The following MED13 variants were observed in gnomAD, a reference collection of about 807,000 sequenced individuals.
MED13 encodes mediator complex subunit 13.
Under a neutral mutation model 225.2 loss-of-function variants are expected in MED13, and 23 were observed. The ratio of observed to expected loss-of-function variants is 0.10; its 90% CI spans 0.07 to 0.14. MED13 has a LOEUF of 0.14. MED13 is among the 10% of genes least tolerant of loss of function. MED13 has a pLI of 1.00. For synonymous variants in MED13, 942 were observed against 889.2 expected, an observed-to-expected ratio of 1.06 and a Z score of -1.06; for missense variants, 2,197 against 2,594.5, an observed-to-expected ratio of 0.85 and a Z score of 3.33.
At chr17:61,961,945 G>A (rs1384719996) in intron 21 of MED13, among the ~76,000 whole-genome samples, 166 bp from the exon 22 acceptor site, 6 of 152,096 alleles carry the variant, frequency 3.9e-5, no homozygotes, top group African/African-American at 1.2e-4. Flanking sequence ...CTTTTAATAA[G>A]TAGCCAATTT....
At chr17:61,971,190 C>T (rs988928635) in intron 17 of MED13, among the ~76,000 whole-genome samples, 2 of 150,042 alleles carry the variant, frequency 1.3e-5, no homozygotes, top group African/African-American at 4.9e-5. Flanking sequence ...TACATATAGC[C>T]ATAAAAAAAG....
At chr17:62,039,093 T>C (rs2080830702) in intron 3 of MED13, among the ~76,000 whole-genome samples, 1 of 152,140 alleles carries the variant, frequency 6.6e-6, no homozygotes, top group Non-Finnish European at 1.5e-5. Context: ...ATGTAACCAA[T>C]GGTCTCAGCT....
rs2079824987 is a variant in MED13 at position 61,942,839 on chromosome 17, A to C, written c.*3629T>G. On this transcript the variant is annotated 3_prime_UTR_variant, in exon 30 of 30. Coordinates refer to ENST00000397786, the MANE Select transcript of MED13 (RefSeq NM_005121.3). Reference sequence around the variant, plus strand: ...AACAACAACTTTAAAACGCCCCTTCATAAAGTGACCAAGCTATTTTGAGAG... The same window carrying C: ...AACAACAACTTTAAAACGCCCCTTCCTAAAGTGACCAAGCTATTTTGAGAG... The C allele has an allele frequency of 6.6e-6, 1 of 152,592 alleles. No homozygotes were observed. The highest frequency in any genetic ancestry group is 2.4e-5 in the African/African-American group (1 of 41,458). 9.5% of individuals were successfully genotyped at this position (152,592 alleles called of 1,614,324 possible).
chr17:61,996,703 C>A (rs2080349778), intron 9 of MED13, among the ~76,000 whole-genome samples: 1 of 152,124 alleles, frequency 6.6e-6, no homozygotes, highest in Non-Finnish European at 1.5e-5. Context: ...ATGCCCATGC[C>A]CACTTGCCTC....
chr17:62,006,562 C>T (rs2143568341), intron 9 of MED13: 1 of 152,220 alleles, frequency 6.6e-6, no homozygotes, highest in South Asian at 2.1e-4. Context: ...GAGCAAGGAC[C>T]ACCAGTCAAC....
chr17:61,995,968 ACAT>A (rs1308953516), intron 9 of MED13, among the ~76,000 whole-genome samples: 4 of 152,212 alleles, frequency 2.6e-5, no homozygotes, highest in African/African-American at 9.6e-5. Flanking sequence ...TCACATTGGC[ACAT>A]CAATTTTTAA....
chr17:62,025,302 T>G (rs992727815), intron 8 of MED13, among the ~76,000 whole-genome samples: 1 of 152,214 alleles, frequency 6.6e-6, no homozygotes, highest in Non-Finnish European at 1.5e-5. Flanking sequence ...AATACTGAAA[T>G]CCGAATTTCA....
At chr17:61,951,771 TA>T (rs1165488090) in intron 27 of MED13, among the ~76,000 whole-genome samples, 3 of 152,230 alleles carry the variant, frequency 2.0e-5, no homozygotes, top group African/African-American at 7.2e-5. Flanking sequence ...ATTTCCTATC[TA>T]ATTTCTTTGC....
At chr17:62,008,885 T>C (rs1280839903) in intron 9 of MED13, among the ~76,000 whole-genome samples, 2 of 152,126 alleles carry the variant, frequency 1.3e-5, no homozygotes, top group Non-Finnish European at 2.9e-5. Context: ...CATATAATAG[T>C]TACATTATCT....
chr17:61,992,595 T>G lies in MED13; in HGVS notation c.2208A>C (p.Thr736=). The change falls in exon 11 of 30, where the codon ACA becomes ACC. Residue 736 remains threonine, a synonymous_variant. Coordinates refer to ENST00000397786, the MANE Select transcript of MED13 (RefSeq NM_005121.3). The part of the protein sequence containing the change: ...HKVEDGTSSV[T]VLSHEEDAMS... ...TAGCATCTTCTTCATGTGATAACAC[T>G]GTTACACTAGATGTCCCATCTTCTA... The G allele has an allele frequency of 6.2e-7, 1 of 1,611,206 alleles. No individual in the cohort carries two copies. The highest frequency in any genetic ancestry group is 8.5e-7 in the Non-Finnish European group (1 of 1,177,568).
At chr17:62,016,742 C>T (rs1277431489) in intron 8 of MED13, among the ~76,000 whole-genome samples, 2 of 152,174 alleles carry the variant, frequency 1.3e-5, no homozygotes, top group Non-Finnish European at 2.9e-5. Context: ...GGCATGGTGG[C>T]TCATGCCTGT....
At position 61,946,493 on chromosome 17, in the gene MED13, T is replaced by C; in HGVS notation, c.6500A>G (p.Tyr2167Cys). ...TCACAGCATATTCATAATAAAGTTA[T>C]ATAACTGATTCAGCACCACAAAATG... ...PIHFVVLNQL[Y>C]NFIMNML The change falls in exon 30 of 30, where the codon TAT (tyrosine) becomes TGT (cysteine). Residue 2167 changes from tyrosine to cysteine, a missense_variant. By Grantham distance (194) the Tyr-to-Cys change is radical. This residue lies in a region of MED13 where 216 missense variants were observed against 388.9 expected (regional missense o/e 0.56). Coordinates refer to ENST00000397786, the MANE Select transcript of MED13 (RefSeq NM_005121.3). The C allele has an allele frequency of 2.5e-6, 4 of 1,613,844 alleles. No individual in the cohort carries two copies. Among genetic ancestry groups the C allele is most frequent in the East Asian group, 2.2e-5 (1 of 44,862 alleles).
At chr17:61,977,204 A>T in intron 16 of MED13, among the ~76,000 whole-genome samples, 1 of 152,318 alleles carries the variant, frequency 6.6e-6, no homozygotes, top group South Asian at 2.1e-4. Context: ...ATTATGTTAG[A>T]AGGTAATAGT....
At chr17:62,063,460 CA>C (rs950732206) in intron 1 of MED13, among the ~76,000 whole-genome samples, 159 bp from the exon 2 acceptor site, 1 of 152,154 alleles carries the variant, frequency 6.6e-6, no homozygotes, top group African/African-American at 2.4e-5. Context: ...TATAATTCAA[CA>C]ACCAAGAATT....
intron 23 of MED13, among the ~76,000 whole-genome samples, 193 bp downstream of exon 23, chr17:61,960,670 GATTA>G (rs2079990878): frequency 6.6e-6 from 1 of 150,892 alleles, no homozygotes; most frequent in Admixed American, 6.6e-5. Flanking sequence ...TCATATAATA[GATTA>G]ATCAAAATTA....
chr17:62,049,427 GTC>G (rs2080934297), intron 3 of MED13, among the ~76,000 whole-genome samples: 1 of 152,146 alleles, frequency 6.6e-6, no homozygotes, highest in Non-Finnish European at 1.5e-5. Context: ...CAAGCCATCT[GTC>G]TCTATCATAA....
rs2079938057 is a variant in MED13, at chr17:61,955,774, A to G, written c.5688T>C (p.Cys1896=). Residue 1896 remains cysteine (C), a synonymous_variant, in exon 25 of 30, where the codon TGT becomes TGC. Transcript: ENST00000397786. ...QSLSKRLKDM[C]RMCGISAADS... is the part of the protein sequence containing the mutation. ...CTGCAGCAGATATACCACACATTCT[A>G]CACATGTCTTTGAGCCTTTTACTTA... The G allele has an allele frequency of 6.2e-7, 1 of 1,611,722 alleles. No homozygotes were observed. The highest frequency in any genetic ancestry group is 1.3e-5 in the African/African-American group (1 of 74,612).
intron 2 of MED13, among the ~76,000 whole-genome samples, chr17:62,060,974 C>T (rs1436941261): frequency 6.6e-6 from 1 of 152,096 alleles, no homozygotes; most frequent in African/African-American, 2.4e-5. Context: ...GCTGGGATTA[C>T]AGGCGTGAGT....
intron 8 of MED13, among the ~76,000 whole-genome samples, chr17:62,024,632 T>C (rs1424131245): frequency 6.6e-6 from 1 of 152,194 alleles, no homozygotes; most frequent in Admixed American, 6.5e-5. Context: ...GATTATTTCA[T>C]CACACAGGTA....
Sources: allele counts gnomAD v4.1 joint callset (sites outside exome capture counted in the v4.1 genomes callset), GRCh38; gene constraint gnomAD v4.1.1; regional missense constraint gnomAD v4.1.1; transcripts MANE v1.5; gene names NCBI Gene and HGNC (gene_info 2026-07-23, HGNC 2026-07-21).